EXOC6B: variants seen among roughly 807,000 people sequenced by gnomAD.
EXOC6B encodes the protein exocyst complex component 6B.
Under a neutral mutation model 113.5 loss-of-function variants are expected in EXOC6B, and 54 were observed. The observed-to-expected ratio is 0.48, with a 90% CI of 0.38 to 0.60. The LOEUF is 0.60. EXOC6B is among the 20% of genes least tolerant of loss of function. The probability of loss-of-function intolerance (pLI) is 0.00; values close to 1 mark genes in which losing one functional copy is unlikely to be tolerated. For synonymous variants in EXOC6B, 357 were observed against 339.0 expected (o/e 1.05, Z -0.58); for missense variants, 797 against 977.5 (o/e 0.82, Z 2.46).
At position 72,243,774 on chromosome 2, in the gene EXOC6B, C is replaced by T. The variant is rs189561400; in HGVS notation, c.2197-59587G>A. On this transcript the variant is annotated intron_variant, in intron 20 of 21. Coordinates refer to ENST00000272427, the MANE Select transcript of EXOC6B (RefSeq NM_015189.3). ...AAATAAATAAAAACAAGAACAAAAACGAAAAAACAAAAGAAAATTATCAGG... is the reference window on the plus strand; with the variant it reads ...AAATAAATAAAAACAAGAACAAAAATGAAAAAACAAAAGAAAATTATCAGG... Among the ~76,000 whole-genome samples, 664 of 151,688 alleles carry T rather than the reference C, an allele frequency of 4.4e-3. 5 individuals carry two copies. Among genetic ancestry groups the T allele is most frequent in the Middle Eastern group, 0.021 (6 of 292 alleles).
chr2:72,596,048 T>C (rs4852879), intron 6 of EXOC6B, among the ~76,000 whole-genome samples: 93,323 of 152,044 alleles, frequency 0.61, 34,906 homozygotes, highest in East Asian at 0.99. Context: ...TCAGTAATAA[T>C]AGATGTCAAA....
chr2:72,821,185 G>A (rs890850076), intron 1 of EXOC6B, among the ~76,000 whole-genome samples: 1 of 151,828 alleles, frequency 6.6e-6, no homozygotes, highest in Non-Finnish European at 1.5e-5. Context: ...ATTTAAAAAC[G>A]GGCAAAGGAT....
chr2:72,779,642 C>A (rs954219099), intron 1 of EXOC6B, among the ~76,000 whole-genome samples: 4 of 152,086 alleles, frequency 2.6e-5, no homozygotes, highest in African/African-American at 9.7e-5. Flanking sequence ...CACTCCACAC[C>A]CCACAGCCAT....
chr2:72,565,423 G>A (rs1054604977), intron 7 of EXOC6B, among the ~76,000 whole-genome samples: 6 of 149,104 alleles, frequency 4.0e-5, no homozygotes, highest in African/African-American at 7.5e-5. Flanking sequence ...TTTAACAAGG[G>A]TCCACTATAT....
At chr2:72,694,350 G>A (rs1485136080) in intron 6 of EXOC6B, among the ~76,000 whole-genome samples, 1 of 152,172 alleles carries the variant, frequency 6.6e-6, no homozygotes, top group East Asian at 1.9e-4. Flanking sequence ...ACTGAGGCAG[G>A]AGAATCGCTT....
chr2:72,338,910 C>CACACACACACAT (rs1688855705), intron 19 of EXOC6B, among the ~76,000 whole-genome samples: 1 of 142,434 alleles, frequency 7.0e-6, no homozygotes. Context: ...TGGAAGAACA[C>CACACACACACAT]ACACATACAC....
In EXOC6B at chr2:72,181,344, A is replaced by G. The variant is rs576182485; in HGVS notation, c.2310-1883T>C. The stretch of plus-strand genomic sequence containing the variant: ...TGGAGGCCTGTGCTTGGAAGGGAAG[A>G]AGAAGGGGAAGTGACTGCGCTAGTT... On this transcript the variant is annotated intron_variant, in intron 21 of 21. Transcript: ENST00000272427. Among the ~76,000 whole-genome samples the G allele has an allele frequency of 2.6e-5, 4 of 152,320 alleles. No homozygotes were observed. The East Asian group carries it at 7.7e-4, about 29-fold the overall frequency.
chr2:72,406,100 CAAAG>C (rs1693735505), intron 18 of EXOC6B, among the ~76,000 whole-genome samples: 1 of 152,196 alleles, frequency 6.6e-6, no homozygotes, highest in African/African-American at 2.4e-5. Context: ...TCAAAAGAGA[CAAAG>C]AAGGCCATTA....
intron 1 of EXOC6B, among the ~76,000 whole-genome samples, chr2:72,796,946 T>G (rs1376072878): frequency 2.0e-5 from 3 of 152,226 alleles, no homozygotes; most frequent in Admixed American, 1.3e-4. Context: ...CAAAGTAAAC[T>G]TCCCAAAAAG....
chr2:72,640,971 G>A (rs537181350), intron 6 of EXOC6B, among the ~76,000 whole-genome samples: 1 of 152,272 alleles, frequency 6.6e-6, no homozygotes, highest in East Asian at 1.9e-4. Context: ...GATTCATAAA[G>A]CAAGTGCTTA....
At chr2:72,300,743 C>T (rs1274794683) in intron 20 of EXOC6B, among the ~76,000 whole-genome samples, 4 of 152,118 alleles carry the variant, frequency 2.6e-5, no homozygotes, top group Admixed American at 2.0e-4. Context: ...ACCATTCCTC[C>T]GGGTACAGTC....
intron 1 of EXOC6B, among the ~76,000 whole-genome samples, chr2:72,769,725 T>C (rs1157191904): frequency 6.6e-6 from 1 of 152,128 alleles, no homozygotes; most frequent in Non-Finnish European, 1.5e-5. Context: ...GACAGGAGAA[T>C]TGCTTGAACT....
At chr2:72,517,402 AAC>A (rs1240850314) in intron 8 of EXOC6B, among the ~76,000 whole-genome samples, 11 of 152,182 alleles carry the variant, frequency 7.2e-5, no homozygotes, top group Non-Finnish European at 1.5e-4. Context: ...GCTTAAAAAC[AAC>A]AGTTTTAAAG....
At chr2:72,592,069 A>C (rs1257706694) in intron 6 of EXOC6B, among the ~76,000 whole-genome samples, 5 of 152,110 alleles carry the variant, frequency 3.3e-5, no homozygotes, top group Non-Finnish European at 7.4e-5. Flanking sequence ...AATATAAATA[A>C]TTGTAAAGAA....
intron 1 of EXOC6B, among the ~76,000 whole-genome samples, chr2:72,823,459 GAAA>G (rs1237385156): frequency 1.4e-5 from 1 of 70,028 alleles, no homozygotes; most frequent in African/African-American, 8.1e-5. Flanking sequence ...AAAGTTTTAA[GAAA>G]AAAAAAAAAA....
chr2:72,677,316 A>G (rs1676383301), intron 6 of EXOC6B, among the ~76,000 whole-genome samples: 1 of 152,138 alleles, frequency 6.6e-6, no homozygotes, highest in Non-Finnish European at 1.5e-5. Flanking sequence ...AGATCCCTTG[A>G]GCCCAGGAGT....
intron 6 of EXOC6B, among the ~76,000 whole-genome samples, chr2:72,577,661 A>C (rs911118676): frequency 4.0e-5 from 6 of 151,598 alleles, no homozygotes; most frequent in Non-Finnish European, 7.4e-5. Context: ...ACTGATATAA[A>C]TATATAAATA....
At chr2:72,677,169 C>A (rs1349657077) in intron 6 of EXOC6B, among the ~76,000 whole-genome samples, 1 of 152,024 alleles carries the variant, frequency 6.6e-6, no homozygotes. Context: ...TCTCAGCTAG[C>A]GTAATATAAA....
At chr2:72,337,799 T>TA (rs1252270696) in intron 19 of EXOC6B, among the ~76,000 whole-genome samples, 1 of 152,210 alleles carries the variant, frequency 6.6e-6, no homozygotes, top group Non-Finnish European at 1.5e-5. Context: ...CTCATTGCTT[T>TA]ATGTATATAA....
Sources: allele counts gnomAD v4.1 joint callset (sites outside exome capture counted in the v4.1 genomes callset), GRCh38; gene constraint gnomAD v4.1.1; transcripts MANE v1.5; gene names NCBI Gene and HGNC (gene_info 2026-07-23, HGNC 2026-07-21).